The following ATXN1 variants were observed in gnomAD, a reference collection of about 807,000 sequenced individuals.
ATXN1 encodes ataxin 1, also known as ataxin-1.
ATXN1 carries 8 observed loss-of-function variants against 56.4 expected under a neutral mutation model. The ratio of observed to expected loss-of-function variants is 0.14; its 90% CI spans 0.08 to 0.26. The LOEUF is 0.26. ATXN1 is among the 10% of genes least tolerant of loss of function. The probability of loss-of-function intolerance (pLI) is 1.00; values close to 1 mark genes in which losing one functional copy is unlikely to be tolerated. For missense variants in ATXN1, 987 were observed against 1,106.5 expected (o/e 0.89, Z 1.53); for synonymous variants, 514 against 494.6 (o/e 1.04, Z -0.52).
chr6:16,681,205 T>C (rs1758806704), intron 2 of ATXN1, among the ~76,000 whole-genome samples: 1 of 152,178 alleles, frequency 6.6e-6, no homozygotes, highest in South Asian at 2.1e-4. Context: ...GAAGAAAAGG[T>C]GCCACTGAGG....
At chr6:16,512,746 G>T (rs1761106562) in intron 5 of ATXN1, among the ~76,000 whole-genome samples, 1 of 152,186 alleles carries the variant, frequency 6.6e-6, no homozygotes, top group Non-Finnish European at 1.5e-5. Context: ...TCCTGCAAGT[G>T]AGGGTGACAG....
At chr6:16,399,659 A>G (rs3819402) in intron 6 of ATXN1, among the ~76,000 whole-genome samples, 18,997 of 152,068 alleles carry the variant, frequency 0.12, 1,887 homozygotes, top group African/African-American at 0.28. Flanking sequence ...TCTGCAAGGG[A>G]CACCTGGAAG....
chr6:16,675,445 A>G (rs1332933148), intron 2 of ATXN1, among the ~76,000 whole-genome samples: 2 of 152,186 alleles, frequency 1.3e-5, no homozygotes, highest in African/African-American at 2.4e-5. Flanking sequence ...CCCCTTTCAG[A>G]TATTTTAAAA....
At chr6:16,350,834 G>A (rs1227984200) in intron 6 of ATXN1, among the ~76,000 whole-genome samples, 1 of 152,178 alleles carries the variant, frequency 6.6e-6, no homozygotes, top group Non-Finnish European at 1.5e-5. Flanking sequence ...TGTAATCCCA[G>A]CACTTCAGGA....
chr6:16,595,562 A>G (rs1166658205), intron 3 of ATXN1, among the ~76,000 whole-genome samples: 6 of 152,270 alleles, frequency 3.9e-5, no homozygotes, highest in Non-Finnish European at 8.8e-5. Flanking sequence ...CTTCTTTAAC[A>G]CAAGTGGAGA....
chr6:16,704,938 A>T (rs941058888), intron 2 of ATXN1, among the ~76,000 whole-genome samples: 1 of 148,532 alleles, frequency 6.7e-6, no homozygotes, highest in Non-Finnish European at 1.5e-5. Flanking sequence ...CAGTGAATCA[A>T]GCGACCACAC....
chr6:16,385,685 G>A (rs766351898), intron 6 of ATXN1, among the ~76,000 whole-genome samples: 9 of 152,218 alleles, frequency 5.9e-5, no homozygotes, highest in Non-Finnish European at 1.0e-4. Flanking sequence ...CCTACATGCA[G>A]TAGGTACTCG....
chr6:16,617,735 C>G (rs1291126253), intron 3 of ATXN1, among the ~76,000 whole-genome samples: 1 of 128,668 alleles, frequency 7.8e-6, no homozygotes, highest in Non-Finnish European at 1.5e-5. Flanking sequence ...CCGCTGCACT[C>G]CTGCCTGGGC....
At chr6:16,419,904 C>T (rs1758996866) in intron 6 of ATXN1, among the ~76,000 whole-genome samples, 1 of 152,174 alleles carries the variant, frequency 6.6e-6, no homozygotes, top group Non-Finnish European at 1.5e-5. Context: ...ACCGCTCATC[C>T]TATCATCTAC....
intron 6 of ATXN1, among the ~76,000 whole-genome samples, chr6:16,437,412 G>A (rs911200632): frequency 1.2e-4 from 18 of 152,264 alleles, no homozygotes; most frequent in East Asian, 9.6e-4. Flanking sequence ...AGGGCTGTGC[G>A]GCACAGGTGC....
At chr6:16,551,361 C>T (rs773926019) in intron 4 of ATXN1, among the ~76,000 whole-genome samples, 3 of 152,086 alleles carry the variant, frequency 2.0e-5, no homozygotes, top group Non-Finnish European at 4.4e-5. Context: ...TGGTCTTTCA[C>T]GATCTGAATT....
chr6:16,461,975 C>T (rs538469908), intron 6 of ATXN1, among the ~76,000 whole-genome samples: 4 of 152,286 alleles, frequency 2.6e-5, no homozygotes, highest in South Asian at 2.1e-4. Flanking sequence ...GTATGGATGA[C>T]CTTTTCTCAC....
intron 2 of ATXN1, among the ~76,000 whole-genome samples, chr6:16,660,453 A>C (rs1376806185): frequency 2.0e-5 from 3 of 152,346 alleles, no homozygotes; most frequent in East Asian, 1.9e-4. Flanking sequence ...GCAGCAGCAA[A>C]GTATGGGATA....
rs149219284 is a variant in ATXN1 at position 16,541,182 on chromosome 6, A to G, written c.-360-18494T>C. ...GCCCACAGCCTCAAAGTTTATGGGG[A>G]GCCTCTGGGGCTTTGCAGAATGCAG... On this transcript the variant is annotated intron_variant, in intron 4 of 7. Coordinates refer to ENST00000436367, the MANE Select transcript of ATXN1 (RefSeq NM_001128164.2). Among the ~76,000 whole-genome samples the G allele has an allele frequency of 7.0e-4, 106 of 152,314 alleles. 2 individuals are homozygous for G. The East Asian group carries it at 0.016, about 23-fold the overall frequency.
chr6:16,333,567 C>T (rs151192658), intron 6 of ATXN1, among the ~76,000 whole-genome samples: 86 of 152,300 alleles, frequency 5.6e-4, no homozygotes, highest in African/African-American at 1.9e-3. Flanking sequence ...TTTTCCTACA[C>T]CCCCAATCCT....
intron 4 of ATXN1, among the ~76,000 whole-genome samples, chr6:16,545,770 G>C (rs1761803998): frequency 6.6e-6 from 1 of 152,206 alleles, no homozygotes; most frequent in African/African-American, 2.4e-5. Flanking sequence ...ATCATGAGCA[G>C]GTGGCACTTG....
intron 7 of ATXN1, among the ~76,000 whole-genome samples, chr6:16,313,268 T>C (rs1015578548): frequency 1.3e-5 from 2 of 152,190 alleles, no homozygotes; most frequent in Non-Finnish European, 2.9e-5. Flanking sequence ...ACCAACCTCA[T>C]CTCTCGTATT....
intron 6 of ATXN1, among the ~76,000 whole-genome samples, chr6:16,483,864 A>C (rs926492092): frequency 6.6e-6 from 1 of 152,174 alleles, no homozygotes; most frequent in Admixed American, 6.5e-5. Flanking sequence ...CTGAAACCTA[A>C]AGCAGTTTTA....
chr6:16,540,286 A>G (rs1307164200), intron 4 of ATXN1, among the ~76,000 whole-genome samples: 1 of 149,926 alleles, frequency 6.7e-6, no homozygotes, highest in East Asian at 1.9e-4. Context: ...ATCTCGGCTC[A>G]ATGCAACCTC....
Sources: allele counts gnomAD v4.1 joint callset (sites outside exome capture counted in the v4.1 genomes callset), GRCh38; gene constraint gnomAD v4.1.1; transcripts MANE v1.5; gene names NCBI Gene and HGNC (gene_info 2026-07-23, HGNC 2026-07-21).